KIAA2013: variants seen among roughly 807,000 people sequenced by gnomAD.
KIAA2013 encodes KIAA2013, also known as uncharacterized protein KIAA2013.
In KIAA2013, 20 loss-of-function variants were observed where a neutral mutation model predicts 39.9. That is an observed-to-expected ratio of 0.50 (90% CI 0.35 to 0.73). KIAA2013 has a LOEUF of 0.73. Among genes scored for constraint, KIAA2013 ranks in the 30% least tolerant of loss-of-function variants. KIAA2013 has a pLI of 0.01. For synonymous variants in KIAA2013, 336 were observed against 416.6 expected (o/e 0.81, Z 2.35); for missense variants, 587 against 856.1 (o/e 0.69, Z 3.92).
chr1:11,924,562 T>C (rs1645494204), intron 1 of KIAA2013, among the ~76,000 whole-genome samples: 3 of 152,162 alleles, frequency 2.0e-5, no homozygotes, highest in Non-Finnish European at 4.4e-5. Flanking sequence ...AATAGATACT[T>C]GCTGAATGAA....
Position 11,922,704 on chromosome 1 carries a change from G to T in KIAA2013, c.1819C>A (p.Leu607Ile). ...SVASLITLFH[L>I]FLFKLIYNEY... Reference sequence around the variant, plus strand: ...TTGTAGATGAGCTTGAAGAGGAAGAGGTGGAAGAGGGTGATTAGGGAGGCC... The same window carrying T: ...TTGTAGATGAGCTTGAAGAGGAAGATGTGGAAGAGGGTGATTAGGGAGGCC... The change falls in exon 2 of 3, where the codon CTC (leucine) becomes ATC (isoleucine). Residue 607 changes from leucine to isoleucine, a missense_variant. Transcript: ENST00000376572. 6.2e-7 allele frequency: 1 copy of T among 1,613,802 alleles called. No individual in the cohort carries two copies. The highest frequency in any genetic ancestry group is 1.3e-5 in the African/African-American group (1 of 75,070).
rs1382655995 is a variant in KIAA2013 at position 11,922,870 on chromosome 1, G to A, written c.1653C>T (p.Ile551=). The A allele has an allele frequency of 2.5e-6, 4 of 1,612,516 alleles. No homozygotes were observed. The South Asian group carries it at 4.4e-5, about 18-fold the overall frequency. ...HTFSVMVTQP[I]TPLLYISTDL... ...CGGTGGAGATGTAGAGCAGTGGCGT[G>A]ATGGGCTGTGTCACCATGACCGAGA... Residue 551 remains isoleucine (I), a synonymous_variant, in exon 2 of 3, where the codon ATC becomes ATT. Coordinates refer to ENST00000376572, the MANE Select transcript of KIAA2013 (RefSeq NM_138346.3).
chr1:11,920,223 T>C lies in KIAA2013; in HGVS notation c.*92A>G. 2 of 1,382,368 alleles carry C rather than the reference T, an allele frequency of 1.4e-6. No homozygotes were observed. Among genetic ancestry groups the C allele is most frequent in the Non-Finnish European group, 2.1e-6 (2 of 969,340 alleles). The allele number at this position is 1,382,368 out of a possible 1,614,324, so 85.6% of individuals were successfully genotyped here. On this transcript the variant is annotated 3_prime_UTR_variant, in exon 3 of 3. Transcript: ENST00000376572. The stretch of plus-strand genomic sequence containing the variant: ...CCCCCAACAAGGCACAAAGGGCGGG[T>C]GCTTCCAAAGGATCCCTTGCTCCTG...
Position 11,925,534 on chromosome 1 carries a change from G to T in KIAA2013, c.704C>A (p.Thr235Asn), listed in dbSNP as rs780257226. Residue 235 changes from threonine to asparagine, a missense_variant, in exon 1 of 3, where the codon ACC becomes AAC. By Grantham distance (65) the Thr-to-Asn change is moderately conservative (BLOSUM62 0). Transcript: ENST00000376572. This position sits in a 1 kb window ranked among gnomAD's most constrained non-coding sequence, Gnocchi z 5.2. ...AGPAPKAFTS[T>N]LEKVGDHQFL... is the part of the protein sequence containing the mutation. ...CTGATGGTCTCCGACCTTCTCCAGGGTACTGGTGAAGGCCTTGGGGGCTGG... is the reference window on the plus strand; with the variant it reads ...CTGATGGTCTCCGACCTTCTCCAGGTTACTGGTGAAGGCCTTGGGGGCTGG... 1.9e-6 allele frequency: 3 copies of T among 1,602,772 alleles called. No homozygotes were observed. Among genetic ancestry groups the T allele is most frequent in the South Asian group, 2.2e-5 (2 of 90,256 alleles).
At position 11,925,053 on chromosome 1, in the gene KIAA2013, A is replaced by C; in HGVS notation, c.1033+152T>G. 2.9e-6 allele frequency: 2 copies of C among 683,120 alleles called. No homozygotes were observed. The highest frequency in any genetic ancestry group is 4.9e-6 in the Non-Finnish European group (2 of 410,492). 42.3% of individuals were successfully genotyped at this position (683,120 alleles called of 1,614,324 possible). ...CCAGAGAGATTAGGCGACGAATCCA[A>C]AGGTCGCACAGACACTAAGCAGTTG... On this transcript the variant is annotated intron_variant, in intron 1 of 2. Coordinates refer to ENST00000376572, the MANE Select transcript of KIAA2013 (RefSeq NM_138346.3). The surrounding 1 kb of genome is among the most constrained non-coding windows in gnomAD (Gnocchi z 5.2).
chr1:11,925,419 G>A lies in KIAA2013; in HGVS notation c.819C>T (p.Leu273=). ...CCAGCTGCGTCTTGGGAGCCACTTG[G>A]AGGCGGTTCACCAGCTTCTTGGCGG... ...VVAAKKLVNR[L]QVAPKTQLDE... Residue 273 remains leucine, a synonymous_variant, in exon 1 of 3, where the codon CTC becomes CTT. Coordinates refer to ENST00000376572, the MANE Select transcript of KIAA2013 (RefSeq NM_138346.3). The surrounding 1 kb of genome is among the most constrained non-coding windows in gnomAD (Gnocchi z 5.2). 8 of 1,613,500 alleles carry A rather than the reference G, an allele frequency of 5.0e-6. No individual in the cohort carries two copies. The highest frequency in any genetic ancestry group is 6.8e-6 in the Non-Finnish European group (8 of 1,179,744).
At chr1:11,921,216 C>T (rs1008427255) in intron 2 of KIAA2013, among the ~76,000 whole-genome samples, 1 of 152,146 alleles carries the variant, frequency 6.6e-6, no homozygotes, top group Non-Finnish European at 1.5e-5. Context: ...GAAGGCCGGG[C>T]GGCAGGGCAC....
Position 11,920,414 on chromosome 1 carries a change from C to A in KIAA2013, c.1888-82G>T, listed in dbSNP as rs1645467535. 2.8e-6 allele frequency: 4 copies of A among 1,412,372 alleles called. No individual in the cohort carries two copies. The Admixed American group carries it at 5.0e-5, about 18-fold the overall frequency. The allele number at this position is 1,412,372 out of a possible 1,614,324, so 87.5% of individuals were successfully genotyped here. On this transcript the variant is annotated intron_variant, in intron 2 of 2. Transcript: ENST00000376572. ...CTATAGAAATAGGCTACGGAGACAACCCTAGTGGCACCACACCCTGGCTCT... is the reference window on the plus strand; with the variant it reads ...CTATAGAAATAGGCTACGGAGACAAACCTAGTGGCACCACACCCTGGCTCT...
At chr1:11,922,411 G>A in intron 2 of KIAA2013, 2 of 1,444,538 alleles carry the variant, frequency 1.4e-6, no homozygotes, top group South Asian at 3.0e-5. Flanking sequence ...GGGCTGCCCT[G>A]GAAAGCCAGA....
Position 11,925,587 on chromosome 1 carries a change from C to G in KIAA2013, c.651G>C (p.Ala217=), listed in dbSNP as rs369036988. ...QLNNPTERVA[A]LQTVGPTAGP... ...CGGCAGTGGGCCCCACAGTCTGCAG[C>G]GCGGCCACGCGCTCCGTGGGGTTGT... The change falls in exon 1 of 3, where the codon GCG becomes GCC. Residue 217 remains alanine (A), a synonymous_variant. Coordinates refer to ENST00000376572, the MANE Select transcript of KIAA2013 (RefSeq NM_138346.3). The surrounding 1 kb of genome is among the most constrained non-coding windows in gnomAD (Gnocchi z 5.2). The G allele has an allele frequency of 6.2e-7, 1 of 1,609,416 alleles. No homozygotes were observed. The highest frequency in any genetic ancestry group is 8.5e-7 in the Non-Finnish European group (1 of 1,179,254).
intron 2 of KIAA2013, chr1:11,922,180 T>C (rs1645478564): frequency 9.2e-6 from 2 of 217,780 alleles, no homozygotes; most frequent in Admixed American, 6.1e-5. Flanking sequence ...TTTTTACTTT[T>C]ATTTGCTTTT....
Position 11,923,268 on chromosome 1 carries a change from A to C in KIAA2013, c.1255T>G (p.Ser419Ala). 4 of 1,613,406 alleles carry C rather than the reference A, an allele frequency of 2.5e-6. No individual in the cohort carries two copies. The highest frequency in any genetic ancestry group is 3.4e-6 in the Non-Finnish European group (4 of 1,179,644). Residue 419 changes from serine (S) to alanine (A), a missense_variant, in exon 2 of 3, where the codon TCC becomes GCC. By Grantham distance (99) the Ser-to-Ala change is moderately conservative. Transcript: ENST00000376572. The surrounding 1 kb of genome is among the most constrained non-coding windows in gnomAD (Gnocchi z 4.6). Reference sequence around the variant, plus strand: ...GAGAGCTGCAGGATCTGCTGGACGGAGGACAGCCGCCCCGGCCACAGGTTC... The same window carrying C: ...GAGAGCTGCAGGATCTGCTGGACGGCGGACAGCCGCCCCGGCCACAGGTTC... The part of the protein sequence containing the change: ...AENLWPGRLS[S>A]VQQILQLSDL...
Position 11,925,200 on chromosome 1 carries a change from C to T in KIAA2013, c.1033+5G>A. ...AGGGTGGACCAAGCGCTGGCCAGGA[C>T]TCACCTGGGCTGAAGAGCTGAGCCC... On this transcript the variant is annotated splice_donor_5th_base_variant and intron_variant, in intron 1 of 2. Coordinates refer to ENST00000376572, the MANE Select transcript of KIAA2013 (RefSeq NM_138346.3). This position sits in a 1 kb window ranked among gnomAD's most constrained non-coding sequence, Gnocchi z 5.2. The T allele has an allele frequency of 6.4e-7, 1 of 1,565,352 alleles. No individual in the cohort carries two copies. Among genetic ancestry groups the T allele is most frequent in the East Asian group, 2.2e-5 (1 of 44,456 alleles).
Position 11,920,104 on chromosome 1 carries a change from A to G in KIAA2013, c.*211T>C, listed in dbSNP as rs1645465849. On this transcript the variant is annotated 3_prime_UTR_variant, in exon 3 of 3. Transcript: ENST00000376572. ...TCATTTTATTGAGTGGAAAGCTTAC[A>G]AAAGGTCCACTGGCCCCTTCCCTCC... 2 of 627,426 alleles carry G rather than the reference A, an allele frequency of 3.2e-6. No individual in the cohort carries two copies. Among genetic ancestry groups the G allele is most frequent in the Admixed American group, 2.7e-5 (1 of 36,694 alleles). The allele number at this position is 627,426 out of a possible 1,614,324, so 38.9% of individuals were successfully genotyped here. A position where few individuals can be genotyped will look rare whatever the true frequency, so the allele number is the denominator to read the frequency against.
intron 2 of KIAA2013, chr1:11,922,293 G>C: frequency 2.3e-6 from 3 of 1,301,584 alleles, no homozygotes; most frequent in Non-Finnish European, 3.0e-6. Context: ...GGGCTCAAGG[G>C]ATTCTCCCAT....
Position 11,919,845 on chromosome 1 carries a change from G to A in KIAA2013, c.*470C>T, listed in dbSNP as rs1274659901. Reference sequence around the variant, plus strand: ...CCTCGGGACCGTGGGGCCTCCGAACGCCGAGATGGACATCACCGCCAACAC... The same window carrying A: ...CCTCGGGACCGTGGGGCCTCCGAACACCGAGATGGACATCACCGCCAACAC... On this transcript the variant is annotated 3_prime_UTR_variant, in exon 3 of 3. Coordinates refer to ENST00000376572, the MANE Select transcript of KIAA2013 (RefSeq NM_138346.3). 1 of 184,950 alleles carries A rather than the reference G, an allele frequency of 5.4e-6. No homozygotes were observed. The highest frequency in any genetic ancestry group is 1.0e-4 in the South Asian group (1 of 10,048). The allele number at this position is 184,950 out of a possible 1,614,324, so 11.5% of individuals were successfully genotyped here. A position where few individuals can be genotyped will look rare whatever the true frequency, so the allele number is the denominator to read the frequency against.
At chr1:11,922,193 G>GT (rs1356660695) in intron 2 of KIAA2013, 1 of 144,150 alleles carries the variant, frequency 6.9e-6, no homozygotes, top group Non-Finnish European at 1.2e-5. Context: ...TTGCTTTTTT[G>GT]TTTTTTGCTT....
chr1:11,921,205 A>G (rs1645472427), intron 2 of KIAA2013, among the ~76,000 whole-genome samples: 1 of 152,206 alleles, frequency 6.6e-6, no homozygotes, highest in Non-Finnish European at 1.5e-5. Context: ...GAGGAAGCAC[A>G]GAAGGCCGGG....
In KIAA2013 at chr1:11,923,164, C is replaced by G. The variant is rs71283404; in HGVS notation, c.1359G>C (p.Gly453=). The part of the protein sequence containing the change: ...VKVGAPGILQ[G]MVLSFGGLQF... The stretch of plus-strand genomic sequence containing the variant: ...GCAGCCCCCCAAAGCTGAGCACCAT[C>G]CCCTGCAGGATGCCTGGGGCACCCA... The change falls in exon 2 of 3, where the codon GGG becomes GGC. Residue 453 remains glycine, a synonymous_variant. Coordinates refer to ENST00000376572, the MANE Select transcript of KIAA2013 (RefSeq NM_138346.3). This position sits in a 1 kb window ranked among gnomAD's most constrained non-coding sequence, Gnocchi z 4.6. 1 of 1,613,426 alleles carries G rather than the reference C, an allele frequency of 6.2e-7. No homozygotes were observed. Among genetic ancestry groups the G allele is most frequent in the Non-Finnish European group, 8.5e-7 (1 of 1,179,746 alleles).
Sources: gnomAD v4.1 joint callset for allele counts (sites outside exome capture counted in the v4.1 genomes callset) on GRCh38, gnomAD v4.1.1 for gene constraint, Gnocchi (gnomAD v3.1) non-coding constraint, MANE v1.5 for transcripts, NCBI Gene and HGNC (gene_info 2026-07-23, HGNC 2026-07-21) for gene names.